TUSC3: variants seen among roughly 807,000 people sequenced by gnomAD.
TUSC3 encodes dolichyl-diphosphooligosaccharide--protein glycosyltransferase subunit TUSC3.
Under a neutral mutation model 44.8 loss-of-function variants are expected in TUSC3, and 45 were observed. The ratio of observed to expected loss-of-function variants is 1.00; its 90% CI spans 0.79 to 1.29. The LOEUF (loss-of-function observed/expected upper bound fraction) is 1.29. TUSC3 is among the 50% of genes most tolerant of loss of function. The probability of loss-of-function intolerance (pLI) is 0.00; values close to 1 mark genes in which losing one functional copy is unlikely to be tolerated. For synonymous variants in TUSC3, 212 were observed against 152.9 expected (o/e 1.39, Z -2.85); for missense variants, 519 against 437.9 (o/e 1.19, Z -1.65).
intron 2 of TUSC3, among the ~76,000 whole-genome samples, chr8:15,641,851 A>G (rs1806388028): frequency 6.6e-6 from 1 of 152,208 alleles, no homozygotes; most frequent in South Asian, 2.1e-4. Context: ...GTTATTTTAT[A>G]TGTATCTAAA....
chr8:15,624,048 C>A (rs577037170), intron 2 of TUSC3, among the ~76,000 whole-genome samples: 1 of 152,072 alleles, frequency 6.6e-6, no homozygotes, highest in Non-Finnish European at 1.5e-5. Flanking sequence ...TTTCAAGAAT[C>A]TTAGGTAAAT....
the TUSC3 span, among the ~76,000 whole-genome samples, chr8:15,783,529 T>C: frequency 6.6e-6 from 1 of 152,112 alleles, no homozygotes; most frequent in Non-Finnish European, 1.5e-5. Context: ...AACAGACACA[T>C]TGACCAATGG....
At chr8:15,437,038 A>T (rs750939286) in intron 1 of TUSC3, among the ~76,000 whole-genome samples, 1 of 152,178 alleles carries the variant, frequency 6.6e-6, no homozygotes, top group South Asian at 2.1e-4. Context: ...AATTTTCTCA[A>T]AAATTGTTTT....
chr8:15,454,100 G>T (rs978971255), intron 1 of TUSC3, among the ~76,000 whole-genome samples: 2 of 152,146 alleles, frequency 1.3e-5, no homozygotes, highest in African/African-American at 4.8e-5. Context: ...GTGCTGGCAG[G>T]CCACTGCACA....
chr8:15,534,412 G>A (rs57780624), intron 2 of TUSC3, among the ~76,000 whole-genome samples: 6,672 of 152,172 alleles, frequency 0.044, 190 homozygotes, highest in African/African-American at 0.087. Context: ...GGGAGGCCGA[G>A]GCGGGCAGAT....
chr8:15,619,271 A>G (rs1454453375), intron 1 of TUSC3, among the ~76,000 whole-genome samples: 1 of 152,196 alleles, frequency 6.6e-6, no homozygotes, highest in Non-Finnish European at 1.5e-5. Flanking sequence ...CAGCTTTTAA[A>G]TAATTGATAT....
intron 5 of TUSC3, 80 bp downstream of exon 5, chr8:15,662,376 C>G (rs778701623): frequency 1.3e-6 from 2 of 1,570,282 alleles, no homozygotes; most frequent in Non-Finnish European, 1.7e-6. Context: ...CAAAATGAGC[C>G]AGATATAACT....
intron 6 of TUSC3, among the ~76,000 whole-genome samples, chr8:15,698,330 C>G (rs1261019355): frequency 6.6e-6 from 1 of 152,152 alleles, no homozygotes; most frequent in East Asian, 1.9e-4. Context: ...CAGTTAAAAA[C>G]TCTGTAAGTT....
chr8:15,508,464 T>TTC (rs1384752100), intron 2 of TUSC3, among the ~76,000 whole-genome samples: 1 of 133,686 alleles, frequency 7.5e-6, no homozygotes, highest in East Asian at 2.2e-4. Flanking sequence ...TTCCTTTTTT[T>TTC]TTTTTTTTTT....
chr8:15,549,213 C>T (rs897751081), intron 1 of TUSC3, among the ~76,000 whole-genome samples: 7 of 151,724 alleles, frequency 4.6e-5, no homozygotes, highest in Admixed American at 6.6e-5. Context: ...CTTGCTCTGT[C>T]GCCCAGGCTG....
chr8:15,441,361 C>T (rs768006429), intron 1 of TUSC3, among the ~76,000 whole-genome samples: 5 of 152,132 alleles, frequency 3.3e-5, no homozygotes, highest in East Asian at 1.9e-4. Context: ...GAGCCGAGAT[C>T]GCGTCACTGC....
At chr8:15,519,720 T>A (rs572329358) in intron 2 of TUSC3, among the ~76,000 whole-genome samples, 37 of 152,264 alleles carry the variant, frequency 2.4e-4, no homozygotes, top group Non-Finnish European at 4.4e-4. Context: ...ACAAGTCCCA[T>A]CGTGCCAAAA....
chr8:15,417,610 G>T (rs1319115994), intron 1 of TUSC3, among the ~76,000 whole-genome samples: 18 of 152,196 alleles, frequency 1.2e-4, no homozygotes, highest in Admixed American at 1.0e-3. Flanking sequence ...AGGGAACGTT[G>T]TAAAGAAGGA....
At chr8:15,634,813 C>T (rs1044138437) in intron 2 of TUSC3, among the ~76,000 whole-genome samples, 3 of 152,152 alleles carry the variant, frequency 2.0e-5, no homozygotes, top group African/African-American at 7.2e-5. Flanking sequence ...CCAGTTATCC[C>T]GTACTAACAC....
chr8:15,609,038 T>C (rs1451018809), intron 1 of TUSC3, among the ~76,000 whole-genome samples: 2 of 152,210 alleles, frequency 1.3e-5, no homozygotes, highest in African/African-American at 2.4e-5. Flanking sequence ...AAAACTTTGC[T>C]CTTGGCTGAT....
At chr8:15,830,726 A>G in the TUSC3 span, among the ~76,000 whole-genome samples, 9 of 152,176 alleles carry the variant, frequency 5.9e-5, no homozygotes, top group Non-Finnish European at 1.2e-4. Flanking sequence ...CAAGACATAC[A>G]GAGGGAAATA....
the TUSC3 span, among the ~76,000 whole-genome samples, chr8:15,781,492 C>T: frequency 6.6e-6 from 1 of 152,092 alleles, no homozygotes; most frequent in Non-Finnish European, 1.5e-5. Flanking sequence ...GGAAAAGCAA[C>T]TTGTTACATA....
chr8:15,716,503 A>C (rs1430502831), intron 6 of TUSC3, among the ~76,000 whole-genome samples: 1 of 152,122 alleles, frequency 6.6e-6, no homozygotes, highest in Non-Finnish European at 1.5e-5. Context: ...AAACCAATTT[A>C]TGGGTAAAAA....
intron 1 of TUSC3, among the ~76,000 whole-genome samples, chr8:15,419,465 G>C (rs905852589): frequency 6.6e-6 from 1 of 152,138 alleles, no homozygotes; most frequent in Non-Finnish European, 1.5e-5. Flanking sequence ...ATTTTAGAAT[G>C]TTTATTCATA....
Sources: allele counts gnomAD v4.1 joint callset (sites outside exome capture counted in the v4.1 genomes callset), GRCh38; gene constraint gnomAD v4.1.1; transcripts MANE v1.5; gene names NCBI Gene and HGNC (gene_info 2026-07-23, HGNC 2026-07-21).